Variants in PDE4D observed in about 807,000 individuals in gnomAD.
PDE4D encodes the protein 3',5'-cyclic-AMP phosphodiesterase 4D.
PDE4D carries 24 observed loss-of-function variants against 87.4 expected under a neutral mutation model. That is an observed-to-expected ratio of 0.27 (90% CI 0.20 to 0.39). The LOEUF is 0.39. Ranked by LOEUF, PDE4D falls within the 10% of genes least tolerant of loss-of-function variation. The probability of loss-of-function intolerance (pLI) is 1.00; values close to 1 mark genes in which losing one functional copy is unlikely to be tolerated. For synonymous variants in PDE4D, 384 were observed against 383.2 expected (o/e 1.00, Z -0.02); for missense variants, 714 against 1,041.0 (o/e 0.69, Z 4.32).
chr5:59,499,835 A>G (rs1256038282), intron 1 of PDE4D, among the ~76,000 whole-genome samples: 1 of 151,936 alleles, frequency 6.6e-6, no homozygotes, highest in Non-Finnish European at 1.5e-5. Context: ...GCTGAATTCT[A>G]CCAGACATAC....
intron 1 of PDE4D, among the ~76,000 whole-genome samples, chr5:59,448,427 G>A (rs1190420923): frequency 2.6e-5 from 4 of 152,120 alleles, no homozygotes; most frequent in African/African-American, 9.7e-5. Context: ...GGTTGAGCTG[G>A]CAATGAAGTC....
At position 59,347,475 on chromosome 5, in the gene PDE4D, A is replaced by T. The variant is rs190506751; in HGVS notation, c.456-131507T>A. 1.5e-3 allele frequency among the ~76,000 whole-genome samples: 220 copies of T among 151,132 alleles called. 2 individuals carry two copies. The highest frequency in any genetic ancestry group is 0.014 in the Middle Eastern group (4 of 294). On this transcript the variant is annotated intron_variant, in intron 1 of 14. Transcript: ENST00000340635. ...TTGTATTATTTCTTTGAAAATAAAA[A>T]ATTAATCTCACAGTTATTCTTAGCT...
intron 1 of PDE4D, among the ~76,000 whole-genome samples, chr5:59,623,458 T>C (rs1000343787): frequency 2.6e-5 from 4 of 152,196 alleles, no homozygotes; most frequent in Non-Finnish European, 4.4e-5. Context: ...AGTCGTGGAC[T>C]TGGTCACCTC....
intron 1 of PDE4D, among the ~76,000 whole-genome samples, chr5:59,702,481 A>G (rs927675523): frequency 5.3e-5 from 8 of 152,142 alleles, no homozygotes; most frequent in Non-Finnish European, 4.4e-5. Flanking sequence ...TAAAAAAATT[A>G]AAGGAAAGAG....
At chr5:59,617,852 C>T (rs1337507803) in intron 1 of PDE4D, among the ~76,000 whole-genome samples, 1 of 152,168 alleles carries the variant, frequency 6.6e-6, no homozygotes, top group Non-Finnish European at 1.5e-5. Flanking sequence ...ACCACTCATT[C>T]CTCAATTTTC....
At chr5:60,319,517 G>A (rs148863435) in intron 1 of PDE4D, among the ~76,000 whole-genome samples, 5,274 of 152,286 alleles carry the variant, frequency 0.035, 135 homozygotes, top group Middle Eastern at 0.082. Flanking sequence ...GCTTTGTTCC[G>A]TTGCTGATGA....
chr5:60,411,229 GA>G (rs1336633789), intron 1 of PDE4D, among the ~76,000 whole-genome samples: 5 of 152,180 alleles, frequency 3.3e-5, no homozygotes, highest in Non-Finnish European at 7.4e-5. Flanking sequence ...ATAACTTCCA[GA>G]AGGGTTCATT....
chr5:59,721,713 A>G (rs1042676499), intron 1 of PDE4D, among the ~76,000 whole-genome samples: 7 of 152,208 alleles, frequency 4.6e-5, no homozygotes, highest in Non-Finnish European at 8.8e-5. Flanking sequence ...ATCAGTAGCA[A>G]TAATTTTTGA....
intron 1 of PDE4D, among the ~76,000 whole-genome samples, chr5:59,712,502 G>C (rs1027170576): frequency 6.8e-6 from 1 of 146,688 alleles, no homozygotes; most frequent in Non-Finnish European, 1.5e-5. Context: ...ATTTATAACA[G>C]ATTTATTAGT....
At chr5:59,910,406 C>T (rs1211801952) in intron 3 of PDE4D, among the ~76,000 whole-genome samples, 1 of 152,168 alleles carries the variant, frequency 6.6e-6, no homozygotes, top group Admixed American at 6.5e-5. Flanking sequence ...TCTACTTTAA[C>T]AAAAACAGAT....
At chr5:59,374,030 C>G (rs1383073510) in intron 1 of PDE4D, among the ~76,000 whole-genome samples, 2 of 152,138 alleles carry the variant, frequency 1.3e-5, no homozygotes, top group East Asian at 3.9e-4. Flanking sequence ...GAAAGAAACA[C>G]TAAATATAGA....
At chr5:59,245,741 C>T (rs1758718997) in intron 1 of PDE4D, among the ~76,000 whole-genome samples, 1 of 152,104 alleles carries the variant, frequency 6.6e-6, no homozygotes. Flanking sequence ...TTCCTAGCCT[C>T]TCCACATCTT....
intron 1 of PDE4D, among the ~76,000 whole-genome samples, chr5:59,222,544 T>C (rs1356650924): frequency 6.6e-6 from 1 of 152,140 alleles, no homozygotes; most frequent in African/African-American, 2.4e-5. Context: ...TACCGAAGCA[T>C]CTATGAAGGC....
chr5:60,008,586 A>T (rs533536912), intron 2 of PDE4D, among the ~76,000 whole-genome samples: 1 of 152,074 alleles, frequency 6.6e-6, no homozygotes, highest in South Asian at 2.1e-4. Flanking sequence ...ATTGCCCAGG[A>T]TTGGGGTCAT....
intron 1 of PDE4D, among the ~76,000 whole-genome samples, chr5:59,568,187 A>T (rs1821263149): frequency 6.6e-6 from 1 of 152,152 alleles, no homozygotes; most frequent in South Asian, 2.1e-4. Flanking sequence ...CAGAAAACAA[A>T]ACCACCACAA....
rs1827222737 is a variant in PDE4D at position 59,599,673 on chromosome 5, C to G, written c.455+293495G>C. On this transcript the variant is annotated intron_variant, in intron 1 of 14. Transcript: ENST00000340635. ...AGAATGTCCATTTCAAATTGTAACC[C>G]AAAACTCTAAACTTGATTGAACTTA... Among the ~76,000 whole-genome samples the G allele has an allele frequency of 2.0e-5, 3 of 151,992 alleles. No individual in the cohort carries two copies. In the South Asian group the frequency reaches 6.2e-4, roughly 32 times the overall value.
At chr5:60,201,955 C>CT (rs1440917263) in intron 1 of PDE4D, among the ~76,000 whole-genome samples, 1 of 152,072 alleles carries the variant, frequency 6.6e-6, no homozygotes, top group East Asian at 1.9e-4. Flanking sequence ...ACTTGATAAT[C>CT]ATTTGGGAAA....
chr5:60,313,191 C>G (rs563271434), intron 1 of PDE4D, among the ~76,000 whole-genome samples: 19 of 148,086 alleles, frequency 1.3e-4, no homozygotes, highest in Non-Finnish European at 2.5e-4. Context: ...GCTAGACAAA[C>G]AAAGAAAAAA....
At chr5:59,337,125 G>A (rs972264651) in intron 1 of PDE4D, among the ~76,000 whole-genome samples, 2 of 152,146 alleles carry the variant, frequency 1.3e-5, no homozygotes, top group African/African-American at 4.8e-5. Context: ...GGAGAAGGAT[G>A]AAGGAAGAAG....
Sources: gnomAD v4.1 joint callset for allele counts (sites outside exome capture counted in the v4.1 genomes callset) on GRCh38, gnomAD v4.1.1 for gene constraint, MANE v1.5 for transcripts, NCBI Gene and HGNC (gene_info 2026-07-23, HGNC 2026-07-21) for gene names.